Variants in EPHB2 observed in about 807,000 individuals in gnomAD.
The protein encoded by EPHB2 is EPH receptor B2, also known as ephrin type-B receptor 2.
In EPHB2, 18 loss-of-function variants were observed where a neutral mutation model predicts 96.4. The ratio of observed to expected loss-of-function variants is 0.19; its 90% confidence interval spans 0.13 to 0.28. The LOEUF (loss-of-function observed/expected upper bound fraction) is 0.28, where lower values mean the gene tolerates loss of function less well. Among genes scored for constraint, EPHB2 ranks in the 10% least tolerant of loss-of-function variants. The pLI is 1.00. For missense variants in EPHB2, 989 were observed against 1,355.4 expected (o/e 0.73, Z 4.25); for synonymous variants, 506 against 534.1 (o/e 0.95, Z 0.72).
At chr1:22,734,546 CG>C (rs1643784655) in intron 1 of EPHB2, among the ~76,000 whole-genome samples, 1 of 151,850 alleles carries the variant, frequency 6.6e-6, no homozygotes, top group Non-Finnish European at 1.5e-5. Flanking sequence ...CTCAGCCTCC[CG>C]AATAGCTGGG....
intron 3 of EPHB2, among the ~76,000 whole-genome samples, chr1:22,794,779 G>A (rs1306122872): frequency 6.6e-6 from 1 of 152,148 alleles, no homozygotes; most frequent in Non-Finnish European, 1.5e-5. Flanking sequence ...CTCGGCCCCA[G>A]ACTGGCTCAT....
intron 3 of EPHB2, among the ~76,000 whole-genome samples, chr1:22,792,670 G>C (rs960230918): frequency 2.0e-5 from 3 of 152,032 alleles, no homozygotes; most frequent in Non-Finnish European, 4.4e-5. Context: ...CTTCTTCTTG[G>C]AGGGCTCAGT....
intron 3 of EPHB2, among the ~76,000 whole-genome samples, chr1:22,843,187 C>T (rs1645493916): frequency 6.6e-6 from 1 of 152,156 alleles, no homozygotes; most frequent in Non-Finnish European, 1.5e-5. Context: ...CTCATTTTGT[C>T]CTCACAGTAT....
intron 1 of EPHB2, among the ~76,000 whole-genome samples, chr1:22,752,718 T>C (rs1644083400): frequency 6.6e-6 from 1 of 151,098 alleles, no homozygotes; most frequent in Non-Finnish European, 1.5e-5. Context: ...TATTTTAATA[T>C]TATTTTCATG....
chr1:22,885,598 C>T (rs1265945787), intron 6 of EPHB2, among the ~76,000 whole-genome samples: 1 of 152,242 alleles, frequency 6.6e-6, no homozygotes, highest in East Asian at 1.9e-4. Flanking sequence ...AACTGAGGCA[C>T]GGAGAAGTTC....
chr1:22,844,240 C>T (rs546970704), intron 3 of EPHB2, among the ~76,000 whole-genome samples: 1 of 152,356 alleles, frequency 6.6e-6, no homozygotes, highest in East Asian at 1.9e-4. Flanking sequence ...TCCACAATGG[C>T]TGAGCTAACG....
chr1:22,791,542 G>A (rs369738543), intron 3 of EPHB2, among the ~76,000 whole-genome samples: 108 of 141,626 alleles, frequency 7.6e-4, no homozygotes, highest in Admixed American at 1.7e-3. Context: ...TCTTGAACTC[G>A]TGGCCACAAA....
At chr1:22,773,543 G>A (rs1489623394) in intron 1 of EPHB2, among the ~76,000 whole-genome samples, 1 of 152,186 alleles carries the variant, frequency 6.6e-6, no homozygotes, top group Non-Finnish European at 1.5e-5. Context: ...GTGTAGCTAT[G>A]AGGTGTCTGT....
chr1:22,794,414 C>A (rs1866795), intron 3 of EPHB2, among the ~76,000 whole-genome samples: 1 of 152,030 alleles, frequency 6.6e-6, no homozygotes, highest in Non-Finnish European at 1.5e-5. Flanking sequence ...GACCTCTGGC[C>A]AGAGAGAAAA....
chr1:22,718,370 C>T (rs1308730133), intron 1 of EPHB2, among the ~76,000 whole-genome samples: 3 of 145,334 alleles, frequency 2.1e-5, no homozygotes, highest in Non-Finnish European at 3.0e-5. Context: ...ATGGGAATGG[C>T]TGTCAATTCT....
intron 3 of EPHB2, among the ~76,000 whole-genome samples, chr1:22,786,130 C>A (rs868106915): frequency 2.0e-5 from 3 of 152,178 alleles, no homozygotes; most frequent in Non-Finnish European, 2.9e-5. Flanking sequence ...GGTTGAAGGA[C>A]CTGGGTTAAA....
At chr1:22,819,415 G>A (rs1645121970) in intron 3 of EPHB2, among the ~76,000 whole-genome samples, 1 of 152,134 alleles carries the variant, frequency 6.6e-6, no homozygotes, top group South Asian at 2.1e-4. Context: ...CCAGGTCGAA[G>A]GGCAGTCCTG....
intron 1 of EPHB2, among the ~76,000 whole-genome samples, chr1:22,736,003 C>T (rs759520913): frequency 6.6e-6 from 1 of 152,192 alleles, no homozygotes; most frequent in East Asian, 1.9e-4. Flanking sequence ...CTGTGACTTT[C>T]GATAGGCTCT....
At chr1:22,735,672 T>C (rs1643811788) in intron 1 of EPHB2, among the ~76,000 whole-genome samples, 1 of 152,136 alleles carries the variant, frequency 6.6e-6, no homozygotes, top group African/African-American at 2.4e-5. Context: ...CTGTCTCAGC[T>C]CTACATGATG....
At chr1:22,713,067 G>A (rs1422259708) in intron 1 of EPHB2, among the ~76,000 whole-genome samples, 1 of 152,142 alleles carries the variant, frequency 6.6e-6, no homozygotes, top group East Asian at 1.9e-4. Context: ...TGGACACAGG[G>A]CTGGTGGGCG....
intron 3 of EPHB2, 53 bp from the exon 4 acceptor site, chr1:22,862,984 C>G (rs1638320535): frequency 6.2e-7 from 1 of 1,613,140 alleles, no homozygotes; most frequent in Non-Finnish European, 8.5e-7. Flanking sequence ...GGCTCGTGAC[C>G]TCTCTGAGTC....
At chr1:22,839,193 A>T (rs900032446) in intron 3 of EPHB2, among the ~76,000 whole-genome samples, 2 of 152,174 alleles carry the variant, frequency 1.3e-5, no homozygotes, top group Non-Finnish European at 2.9e-5. Context: ...CCCACATGCT[A>T]CTTCAGGATC....
intron 1 of EPHB2, among the ~76,000 whole-genome samples, chr1:22,715,089 C>G (rs539095828): frequency 6.6e-6 from 1 of 152,082 alleles, no homozygotes; most frequent in Non-Finnish European, 1.5e-5. Context: ...TGCTCAGTAA[C>G]GGAATGACAT....
At chr1:22,720,717 C>T (rs1444029755) in intron 1 of EPHB2, among the ~76,000 whole-genome samples, 1 of 138,666 alleles carries the variant, frequency 7.2e-6, no homozygotes, top group Non-Finnish European at 1.5e-5. Context: ...TTATCTGCCT[C>T]TTCTGAGAAG....
Sources: allele counts gnomAD v4.1 joint callset (sites outside exome capture counted in the v4.1 genomes callset), GRCh38; gene constraint gnomAD v4.1.1; transcripts MANE v1.5; gene names NCBI Gene and HGNC (gene_info 2026-07-23, HGNC 2026-07-21).